Variants in PRKCE observed in about 807,000 individuals in gnomAD.
The protein encoded by PRKCE is protein kinase C epsilon type.
Under a neutral mutation model 85.4 loss-of-function variants are expected in PRKCE, and 16 were observed. The observed-to-expected ratio is 0.19, with a 90% CI of 0.13 to 0.28. The LOEUF (loss-of-function observed/expected upper bound fraction) is 0.28, where lower values mean the gene tolerates loss of function less well. Ranked by LOEUF, PRKCE falls within the 10% of genes least tolerant of loss-of-function variation. The probability of loss-of-function intolerance (pLI) is 1.00; values close to 1 mark genes in which losing one functional copy is unlikely to be tolerated. For synonymous variants in PRKCE, 388 were observed against 371.5 expected, an observed-to-expected ratio of 1.04 and a Z score of -0.51; for missense variants, 573 against 975.2, an observed-to-expected ratio of 0.59 and a Z score of 5.49.
intron 1 of PRKCE, among the ~76,000 whole-genome samples, chr2:45,781,154 G>A (rs796196201): frequency 6.6e-6 from 1 of 151,242 alleles, no homozygotes; most frequent in African/African-American, 2.5e-5. Context: ...GCAACATACG[G>A]AGACCCCCCC....
chr2:45,754,496 C>G (rs934823363), intron 1 of PRKCE, among the ~76,000 whole-genome samples: 2 of 152,100 alleles, frequency 1.3e-5, no homozygotes, highest in Admixed American at 6.6e-5. Flanking sequence ...AATAATCCAG[C>G]CTTCATTGCG....
chr2:45,847,011 A>G (rs1209083014), intron 2 of PRKCE, among the ~76,000 whole-genome samples: 3 of 152,340 alleles, frequency 2.0e-5, no homozygotes, highest in East Asian at 3.9e-4. Context: ...CTGGGGTGGG[A>G]CATGTTCACA....
Position 45,776,471 on chromosome 2 carries a change from T to C in PRKCE, c.349-66529T>C, listed in dbSNP as rs535550855. The stretch of plus-strand genomic sequence containing the variant: ...CAGATTAAAGGATGAAGGTAGATTT[T>C]TTTAGGGTGTCCTAATAAACGGACC... On this transcript the variant is annotated intron_variant, in intron 1 of 14. Transcript: ENST00000306156. Among the ~76,000 whole-genome samples the C allele has an allele frequency of 2.0e-5, 3 of 152,328 alleles. No homozygotes were observed. The South Asian group carries it at 6.2e-4, about 32-fold the overall frequency.
intron 1 of PRKCE, among the ~76,000 whole-genome samples, chr2:45,795,202 A>T (rs1484582500): frequency 6.6e-6 from 1 of 152,118 alleles, no homozygotes; most frequent in Non-Finnish European, 1.5e-5. Context: ...TCGTGGAGTG[A>T]CCAGACCTTC....
At chr2:45,718,450 G>C (rs1680334516) in intron 1 of PRKCE, among the ~76,000 whole-genome samples, 1 of 148,196 alleles carries the variant, frequency 6.7e-6, no homozygotes, top group South Asian at 2.1e-4. Flanking sequence ...GTTCAAGCGA[G>C]TCTCCTGCCT....
chr2:45,896,257 G>T lies in PRKCE; in HGVS notation c.412+53194G>T, dbSNP rs911730616. Among the ~76,000 whole-genome samples, 5 of 152,204 alleles carry T rather than the reference G, an allele frequency of 3.3e-5. No homozygotes were observed. In the East Asian group the frequency reaches 7.7e-4, roughly 23 times the overall value. On this transcript the variant is annotated intron_variant, in intron 2 of 14. Coordinates refer to ENST00000306156, the MANE Select transcript of PRKCE (RefSeq NM_005400.3). ...CTCTTTGCTAAATTTTAGAGGTTGG[G>T]TTCTTGCTATGTTGCCTAGTCTGGC...
intron 2 of PRKCE, among the ~76,000 whole-genome samples, chr2:45,916,579 G>C (rs1288728200): frequency 1.3e-5 from 2 of 152,194 alleles, no homozygotes; most frequent in African/African-American, 4.8e-5. Context: ...AAAGTCTGCA[G>C]ATCATCTTTT....
chr2:45,731,644 G>C (rs1293111869), intron 1 of PRKCE, among the ~76,000 whole-genome samples: 3 of 134,562 alleles, frequency 2.2e-5, no homozygotes, highest in African/African-American at 8.5e-5. Context: ...TTTTTTTTGA[G>C]GCAGGGTCTC....
chr2:45,874,653 C>T (rs2105773747), intron 2 of PRKCE, among the ~76,000 whole-genome samples: 1 of 152,332 alleles, frequency 6.6e-6, no homozygotes, highest in African/African-American at 2.4e-5. Flanking sequence ...TGTTTTATTT[C>T]ACAACAGTGC....
chr2:45,653,479 C>T lies in PRKCE; in HGVS notation c.348+1031C>T, dbSNP rs1456363754. Among the ~76,000 whole-genome samples the T allele has an allele frequency of 8.5e-5, 12 of 140,904 alleles. No individual in the cohort carries two copies. In the Admixed American group the frequency reaches 8.6e-4, roughly 10 times the overall value. 92.4% of individuals were successfully genotyped at this position (140,904 alleles called of 152,430 possible). ...GTTACATGTTTCCAGCAAGTACAAG[C>T]GTTCCTCTGGAGGTATATGTTTTCA... is the stretch of plus-strand genomic sequence containing the variant. On this transcript the variant is annotated intron_variant, in intron 1 of 14. Coordinates refer to ENST00000306156, the MANE Select transcript of PRKCE (RefSeq NM_005400.3).
chr2:45,815,392 G>T (rs1443047283), intron 1 of PRKCE, among the ~76,000 whole-genome samples: 3 of 152,336 alleles, frequency 2.0e-5, no homozygotes, highest in East Asian at 1.9e-4. Flanking sequence ...AGCTGAGGGG[G>T]TGCATTCCCA....
At chr2:45,701,102 G>T (rs1178266351) in intron 1 of PRKCE, among the ~76,000 whole-genome samples, 1 of 152,168 alleles carries the variant, frequency 6.6e-6, no homozygotes, top group African/African-American at 2.4e-5. Flanking sequence ...AACTAAGACA[G>T]TAGAGGAAGG....
At chr2:46,042,667 A>C (rs1303135106) in intron 10 of PRKCE, among the ~76,000 whole-genome samples, 1 of 152,232 alleles carries the variant, frequency 6.6e-6, no homozygotes, top group Non-Finnish European at 1.5e-5. Flanking sequence ...CTCTTAAGTA[A>C]CTAATGGGAG....
chr2:46,013,101 A>G (rs3738901), intron 10 of PRKCE, among the ~76,000 whole-genome samples: 50,513 of 152,078 alleles, frequency 0.33, 9,055 homozygotes, highest in South Asian at 0.45. Flanking sequence ...GAATTTTTCT[A>G]AACTGAATCA....
chr2:45,926,942 A>C (rs887897386), intron 2 of PRKCE, among the ~76,000 whole-genome samples: 7 of 152,054 alleles, frequency 4.6e-5, no homozygotes, highest in Non-Finnish European at 8.8e-5. Flanking sequence ...AATGGTGAGA[A>C]GTATAGAACC....
chr2:46,035,837 C>G (rs1707825211), intron 10 of PRKCE, among the ~76,000 whole-genome samples: 1 of 152,204 alleles, frequency 6.6e-6, no homozygotes. Flanking sequence ...AAGGCACAGT[C>G]CTAAGTCCTT....
chr2:45,905,753 C>T lies in PRKCE; in HGVS notation c.412+62690C>T, dbSNP rs533627762. Among the ~76,000 whole-genome samples the T allele has an allele frequency of 2.6e-5, 4 of 152,314 alleles. No homozygotes were observed. The South Asian group carries it at 6.2e-4, about 24-fold the overall frequency. On this transcript the variant is annotated intron_variant, in intron 2 of 14. Transcript: ENST00000306156. The surrounding 1 kb of genome is among the most constrained non-coding windows in gnomAD (Gnocchi z 4.4). ...TGTTTACTGAAGGGTAAATGGAGAC[C>T]GGCCCATGCTCTTTATAGTCCCTGA...
chr2:46,012,936 C>T (rs1398555617), intron 10 of PRKCE, among the ~76,000 whole-genome samples: 1 of 152,132 alleles, frequency 6.6e-6, no homozygotes, highest in Admixed American at 6.5e-5. Flanking sequence ...TGAGGATGGG[C>T]AGAGAAGGAG....
At chr2:45,950,905 T>G (rs749126953) in intron 2 of PRKCE, among the ~76,000 whole-genome samples, 3 of 152,180 alleles carry the variant, frequency 2.0e-5, no homozygotes, top group African/African-American at 7.2e-5. Flanking sequence ...GTCCTGGAAC[T>G]ATCAGCCTCA....
Sources: gnomAD v4.1 joint callset for allele counts (sites outside exome capture counted in the v4.1 genomes callset) on GRCh38, gnomAD v4.1.1 for gene constraint, Gnocchi (gnomAD v3.1) non-coding constraint, MANE v1.5 for transcripts, NCBI Gene and HGNC (gene_info 2026-07-23, HGNC 2026-07-21) for gene names.